The following ADGRB1 variants were observed in gnomAD, a reference collection of about 807,000 sequenced individuals.
The protein encoded by ADGRB1 is brain-specific angiogenesis inhibitor 1.
Under a neutral mutation model 175.7 loss-of-function variants are expected in ADGRB1, and 36 were observed. That is an observed-to-expected ratio of 0.20 (90% CI 0.16 to 0.27). The LOEUF (loss-of-function observed/expected upper bound fraction) is 0.27, where lower values mean the gene tolerates loss of function less well. ADGRB1 is among the 10% of genes least tolerant of loss of function. The probability of loss-of-function intolerance (pLI) is 1.00; values close to 1 mark genes in which losing one functional copy is unlikely to be tolerated. For synonymous variants in ADGRB1, 1,054 were observed against 979.4 expected (o/e 1.08, Z -1.42); for missense variants, 1,731 against 2,255.3 (o/e 0.77, Z 4.71).
chr8:142,495,936 T>C (rs1313494604), intron 17 of ADGRB1, among the ~76,000 whole-genome samples: 2 of 110,948 alleles, frequency 1.8e-5, no homozygotes, highest in Admixed American at 9.7e-5. Context: ...GGTGGGTGGA[T>C]GGATAGGTGG....
chr8:142,469,996 C>G (rs1285463310), intron 2 of ADGRB1, among the ~76,000 whole-genome samples: 1 of 152,238 alleles, frequency 6.6e-6, no homozygotes, highest in Non-Finnish European at 1.5e-5. Flanking sequence ...AGGCAACACA[C>G]AGCCAAGTGC....
chr8:142,505,124 A>G (rs1842791007), intron 17 of ADGRB1, among the ~76,000 whole-genome samples: 1 of 152,138 alleles, frequency 6.6e-6, no homozygotes, highest in Admixed American at 6.5e-5. Context: ...TGTCCCATGA[A>G]TGAGTAGGCC....
chr8:142,460,537 C>A (rs923892352), intron 1 of ADGRB1, among the ~76,000 whole-genome samples: 16 of 152,158 alleles, frequency 1.1e-4, no homozygotes, highest in Admixed American at 1.3e-4. Context: ...TCTCCCCACA[C>A]CCCCCTGACT....
At chr8:142,458,483 C>G (rs867309941) in intron 1 of ADGRB1, among the ~76,000 whole-genome samples, 2 of 152,114 alleles carry the variant, frequency 1.3e-5, no homozygotes, top group African/African-American at 4.8e-5. Context: ...CATCTCAGGC[C>G]CGTTGCTGGC....
At chr8:142,460,834 T>C (rs1317339107) in intron 1 of ADGRB1, among the ~76,000 whole-genome samples, 3 of 152,116 alleles carry the variant, frequency 2.0e-5, no homozygotes, top group Non-Finnish European at 4.4e-5. Flanking sequence ...TCCTTCCCCA[T>C]GGCCACTCCT....
chr8:142,510,247 A>G lies in ADGRB1; in HGVS notation c.2676-685A>G, dbSNP rs1587375418. ...AGCGGGGCAGTCGCGGCCCGTAGAC[A>G]GCGGGCGGCTGGGTCAGACCGCAGA... On this transcript the variant is annotated intron_variant, in intron 17 of 30. Transcript: ENST00000517894. The surrounding 1 kb of genome is among the most constrained non-coding windows in gnomAD (Gnocchi z 6.3). 6.6e-6 allele frequency among the ~76,000 whole-genome samples: 1 copy of G among 152,160 alleles called. No homozygotes were observed. Among genetic ancestry groups the G allele is most frequent in the Non-Finnish European group, 1.5e-5 (1 of 67,970 alleles).
intron 1 of ADGRB1, among the ~76,000 whole-genome samples, chr8:142,452,821 C>T (rs1250218673): frequency 6.6e-6 from 1 of 151,582 alleles, no homozygotes; most frequent in African/African-American, 2.4e-5. Context: ...GGAGCCCGTC[C>T]TCCGGGGACG....
In ADGRB1 at chr8:142,518,170, G is replaced by A. The variant is rs574048165; in HGVS notation, c.2850G>A (p.Thr950=). The change falls in exon 19 of 31, where the codon ACG becomes ACA. Residue 950 remains threonine, a synonymous_variant. Coordinates refer to ENST00000517894, the MANE Select transcript of ADGRB1 (RefSeq NM_001702.3). ...AGAAGGCGACTCTGCCGTCGGTGAC[G>A]CTCATCGTGGGCTGTGGCGTGTCCT... ...NMEKATLPSV[T]LIVGCGVSSL... The A allele has an allele frequency of 1.5e-4, 234 of 1,613,768 alleles. 1 individual carries two copies. The highest frequency in any genetic ancestry group is 4.9e-4 in the Middle Eastern group (3 of 6,062).
In ADGRB1 at chr8:142,481,690, C is replaced by T; in HGVS notation, c.2109C>T (p.Ser703=). 1 of 1,587,584 alleles carries T rather than the reference C, an allele frequency of 6.3e-7. No homozygotes were observed. The highest frequency in any genetic ancestry group is 8.6e-7 in the Non-Finnish European group (1 of 1,163,750). The change falls in exon 11 of 31, where the codon AGC becomes AGT. Residue 703 remains serine, a synonymous_variant. Transcript: ENST00000517894. ...MTEIFRRAYY[S]PTPGDVQNFV... ...AGATTTTCCGGAGAGCGTACTACAGCCCCACCCCTGGGGACGTACAGGTGG... is the reference window on the plus strand; with the variant it reads ...AGATTTTCCGGAGAGCGTACTACAGTCCCACCCCTGGGGACGTACAGGTGG...
chr8:142,457,491 C>T (rs1839743805), intron 1 of ADGRB1, among the ~76,000 whole-genome samples: 2 of 152,120 alleles, frequency 1.3e-5, no homozygotes, highest in Non-Finnish European at 2.9e-5. Context: ...TGGGGCTGGG[C>T]CTGGCAGGCT....
Position 142,489,348 on chromosome 8 carries a change from C to T in ADGRB1, c.2541C>T (p.Val847=). ...CTGGCTCTTGCAGGAACACGACCGT[C>T]CTGAATTCTAAGGTGATCTCCGTGA... ...SFLALQRNTT[V]LNSKVISVTV... Residue 847 remains valine (V), a synonymous_variant, in exon 16 of 31, where the codon GTC becomes GTT. Coordinates refer to ENST00000517894, the MANE Select transcript of ADGRB1 (RefSeq NM_001702.3). The T allele has an allele frequency of 6.2e-7, 1 of 1,612,908 alleles. No individual in the cohort carries two copies. The highest frequency in any genetic ancestry group is 8.5e-7 in the Non-Finnish European group (1 of 1,179,816).
chr8:142,517,745 G>A (rs1022410345), intron 18 of ADGRB1, among the ~76,000 whole-genome samples: 1 of 152,132 alleles, frequency 6.6e-6, no homozygotes, highest in African/African-American at 2.4e-5. Context: ...CTCGAAGCCT[G>A]GGCCCAAGAG....
intron 9 of ADGRB1, among the ~76,000 whole-genome samples, chr8:142,480,980 C>T (rs1018788358): frequency 1.2e-4 from 13 of 104,422 alleles, no homozygotes; most frequent in African/African-American, 4.8e-4. Flanking sequence ...TCTGAAGGCC[C>T]TGCTCGGCCG....
intron 17 of ADGRB1, among the ~76,000 whole-genome samples, chr8:142,507,543 C>T (rs553654511): frequency 8.5e-5 from 13 of 152,338 alleles, no homozygotes; most frequent in African/African-American, 2.4e-4. Context: ...GGCCGATAAA[C>T]GACTCAGCAC....
chr8:142,499,998 C>T (rs1344735785), intron 17 of ADGRB1, among the ~76,000 whole-genome samples: 10 of 152,146 alleles, frequency 6.6e-5, no homozygotes, highest in South Asian at 2.1e-4. Flanking sequence ...CCATCTCAGC[C>T]GGCCCTAGTC....
Position 142,464,347 on chromosome 8 carries a change from A to C in ADGRB1, c.149A>C (p.Lys50Thr). 6.6e-7 allele frequency: 1 copy of C among 1,512,960 alleles called. No individual in the cohort carries two copies. The allele number at this position is 1,512,960 out of a possible 1,614,324, so 93.7% of individuals were successfully genotyped here. The change falls in exon 2 of 31, where the codon AAG (lysine) becomes ACG (threonine). Residue 50 changes from lysine to threonine, a missense_variant. Transcript: ENST00000517894. Reference protein sequence around the residue: ...PEPCATLVQGKFFGYFSAAAV... With the variant: ...PEPCATLVQGTFFGYFSAAAV... ...CCGTGCGCCACGCTGGTGCAGGGAA[A>C]GTTCTTCGGCTACTTCTCCGCGGCC...
rs1185240499 is a variant in ADGRB1 at position 142,464,657 on chromosome 8, C to T, written c.459C>T (p.His153=). ...TGCGGCGCCAGCAGCCGCCCCAGCACGACGGGCTCCGGCCCCGGGCCGGGC... is the reference window on the plus strand; with the variant it reads ...TGCGGCGCCAGCAGCCGCCCCAGCATGACGGGCTCCGGCCCCGGGCCGGGC... ...LQMRRQQPPQ[H]DGLRPRAGPP... is the part of the protein sequence containing the mutation. The change falls in exon 2 of 31, where the codon CAC becomes CAT. Residue 153 remains histidine, a synonymous_variant. Transcript: ENST00000517894. The T allele has an allele frequency of 5.3e-5, 81 of 1,521,846 alleles. No homozygotes were observed. Among genetic ancestry groups the T allele is most frequent in the Non-Finnish European group, 7.0e-5 (80 of 1,140,212 alleles). 94.3% of individuals were successfully genotyped at this position (1,521,846 alleles called of 1,614,324 possible). A position where few individuals can be genotyped will look rare whatever the true frequency, so the allele number is the denominator to read the frequency against.
rs890741124 is a variant in ADGRB1 at position 142,543,020 on chromosome 8, T to G, written c.4413+373T>G. ...CCTCAGTCAGCCTGTAGGATGTTGT[T>G]TTTGGGGGAGCCCGTCCCCACAGGA... On this transcript the variant is annotated intron_variant, in intron 28 of 30. Transcript: ENST00000517894. The surrounding 1 kb of genome is among the most constrained non-coding windows in gnomAD (Gnocchi z 4.4). 2.6e-5 allele frequency among the ~76,000 whole-genome samples: 4 copies of G among 152,122 alleles called. No homozygotes were observed. The South Asian group carries it at 8.3e-4, about 31-fold the overall frequency.
intron 23 of ADGRB1, among the ~76,000 whole-genome samples, chr8:142,525,927 AG>A (rs940513731): frequency 6.6e-5 from 10 of 152,146 alleles, no homozygotes; most frequent in African/African-American, 9.7e-5. Flanking sequence ...GCCAGGAGAC[AG>A]GGGGAGACCC....
Sources: allele counts gnomAD v4.1 joint callset (sites outside exome capture counted in the v4.1 genomes callset), GRCh38; gene constraint gnomAD v4.1.1; non-coding constraint Gnocchi (gnomAD v3.1); transcripts MANE v1.5; gene names NCBI Gene and HGNC (gene_info 2026-07-23, HGNC 2026-07-21).